The following TXK variants were observed in gnomAD, a reference collection of about 807,000 sequenced individuals.
TXK encodes the protein TXK tyrosine kinase, also known as tyrosine-protein kinase TXK.
TXK carries 60 observed loss-of-function variants against 81.0 expected under a neutral mutation model. That is an observed-to-expected ratio of 0.74 (90% confidence interval 0.60 to 0.92). The LOEUF is 0.92. Among genes scored for constraint, TXK ranks in the 40% least tolerant of loss-of-function variants. TXK has a pLI of 0.00. For synonymous variants in TXK, 203 were observed against 210.7 expected, an observed-to-expected ratio of 0.96 and a Z score of 0.32; for missense variants, 581 against 638.3, an observed-to-expected ratio of 0.91 and a Z score of 0.97.
chr4:48,134,093 T>C, intron 1 of TXK, 62 bp downstream of exon 1: 1 of 1,594,122 alleles, frequency 6.3e-7, no homozygotes, highest in Admixed American at 1.8e-5. Context: ...TCCTCTGCTG[T>C]TCAAGAATAA....
chr4:48,078,353 C>T (rs930803160), intron 11 of TXK, among the ~76,000 whole-genome samples: 1 of 152,170 alleles, frequency 6.6e-6, no homozygotes, highest in Non-Finnish European at 1.5e-5. Flanking sequence ...ATTATGCTCC[C>T]TTTTTCTCCC....
chr4:48,125,951 G>C (rs1287718517), intron 1 of TXK, among the ~76,000 whole-genome samples: 1 of 152,212 alleles, frequency 6.6e-6, no homozygotes, highest in Non-Finnish European at 1.5e-5. Flanking sequence ...GATGGAGGGT[G>C]ACCCACTGTA....
intron 2 of TXK, 99 bp from the exon 3 acceptor site, chr4:48,113,408 T>C: frequency 3.6e-6 from 3 of 839,852 alleles, no homozygotes; most frequent in Non-Finnish European, 3.7e-6. Context: ...AATCCAGGTC[T>C]CTTTCCAACT....
chr4:48,088,747 A>T (rs1168187425), intron 9 of TXK, among the ~76,000 whole-genome samples: 2 of 152,234 alleles, frequency 1.3e-5, no homozygotes, highest in Non-Finnish European at 2.9e-5. Flanking sequence ...ACTTTGTATT[A>T]TATATACTAT....
chr4:48,087,438 ATTAT>A (rs1717578225), intron 9 of TXK, among the ~76,000 whole-genome samples: 1 of 150,360 alleles, frequency 6.7e-6, no homozygotes, highest in Non-Finnish European at 1.5e-5. Context: ...TATTATTATT[ATTAT>A]TTTTTTTTTT....
chr4:48,111,821 T>C (rs112082379), intron 4 of TXK, among the ~76,000 whole-genome samples: 1,757 of 152,344 alleles, frequency 0.012, 32 homozygotes, highest in African/African-American at 0.04. Context: ...ATTGGCACAA[T>C]GAAACCTATC....
At chr4:48,117,183 C>T (rs1263124678) in intron 1 of TXK, among the ~76,000 whole-genome samples, 2 of 152,150 alleles carry the variant, frequency 1.3e-5, no homozygotes, top group Non-Finnish European at 2.9e-5. Context: ...TCACCGCGCT[C>T]GGCCCATCCT....
intron 3 of TXK, among the ~76,000 whole-genome samples, chr4:48,112,831 T>C (rs1718679621): frequency 6.6e-6 from 1 of 152,056 alleles, no homozygotes; most frequent in Non-Finnish European, 1.5e-5. Flanking sequence ...ATTTTTTTTC[T>C]CCTTAAAAGA....
At chr4:48,068,332 C>T (rs1293889089) in intron 14 of TXK, among the ~76,000 whole-genome samples, 1 of 152,058 alleles carries the variant, frequency 6.6e-6, no homozygotes, top group African/African-American at 2.4e-5. Context: ...TACCAGGCTC[C>T]CAAGCTCAGT....
chr4:48,130,256 T>C (rs1719217397), intron 1 of TXK, among the ~76,000 whole-genome samples: 1 of 152,224 alleles, frequency 6.6e-6, no homozygotes, highest in South Asian at 2.1e-4. Context: ...CAAATTATTC[T>C]GAGACCAAAT....
chr4:48,132,134 A>C (rs569262944), intron 1 of TXK, among the ~76,000 whole-genome samples: 1 of 151,772 alleles, frequency 6.6e-6, no homozygotes, highest in East Asian at 1.9e-4. Context: ...ATTACAATCA[A>C]TTTTTCCTTA....
chr4:48,120,564 C>T (rs1718930838), intron 1 of TXK, among the ~76,000 whole-genome samples: 1 of 151,556 alleles, frequency 6.6e-6, no homozygotes, highest in African/African-American at 2.4e-5. Flanking sequence ...CATCTTGGCT[C>T]ACTGCAATCT....
At chr4:48,067,774 C>T (rs1716668705) in intron 14 of TXK, 69 bp from the exon 15 acceptor site, 18 of 1,461,000 alleles carry the variant, frequency 1.2e-5, no homozygotes, top group East Asian at 4.5e-5. Flanking sequence ...ATTTTTGGAA[C>T]GCTAAGCATG....
intron 1 of TXK, among the ~76,000 whole-genome samples, chr4:48,119,295 C>T (rs892988027): frequency 6.6e-6 from 1 of 152,312 alleles, no homozygotes; most frequent in East Asian, 1.9e-4. Context: ...ATTATCAATA[C>T]ATATTAGTTC....
chr4:48,113,478 A>G (rs556341359), intron 2 of TXK, among the ~76,000 whole-genome samples, 169 bp from the exon 3 acceptor site: 1 of 152,312 alleles, frequency 6.6e-6, no homozygotes, highest in Non-Finnish European at 1.5e-5. Context: ...TGGTTTTAAG[A>G]ACTTAAGTTT....
At chr4:48,129,046 G>C (rs956731938) in intron 1 of TXK, among the ~76,000 whole-genome samples, 3 of 152,034 alleles carry the variant, frequency 2.0e-5, no homozygotes, top group Non-Finnish European at 4.4e-5. Context: ...TCTTGGTTTG[G>C]AGTTAGACAC....
At chr4:48,122,080 C>T (rs1029520238) in intron 1 of TXK, among the ~76,000 whole-genome samples, 3 of 152,160 alleles carry the variant, frequency 2.0e-5, no homozygotes, top group Non-Finnish European at 4.4e-5. Flanking sequence ...TCCTGCTTCT[C>T]CTCCTCCCAC....
intron 4 of TXK, among the ~76,000 whole-genome samples, chr4:48,111,861 C>A (rs1718641918): frequency 6.6e-6 from 1 of 152,164 alleles, no homozygotes; most frequent in South Asian, 2.1e-4. Flanking sequence ...TCTTTCTAAT[C>A]TAATTCAGCA....
chr4:48,075,298 A>G (rs950724711), intron 12 of TXK, among the ~76,000 whole-genome samples: 1 of 152,156 alleles, frequency 6.6e-6, no homozygotes, highest in Non-Finnish European at 1.5e-5. Context: ...CCAGTGAACA[A>G]ATGGCTGTGG....
Sources: gnomAD v4.1 joint callset for allele counts (sites outside exome capture counted in the v4.1 genomes callset) on GRCh38, gnomAD v4.1.1 for gene constraint, MANE v1.5 for transcripts, NCBI Gene and HGNC (gene_info 2026-07-23, HGNC 2026-07-21) for gene names.